BRD4: variants seen among roughly 807,000 people sequenced by gnomAD.
BRD4 encodes the protein bromodomain containing 4.
Under a neutral mutation model 142.1 loss-of-function variants are expected in BRD4, and 16 were observed. The observed-to-expected ratio is 0.11, with a 90% confidence interval of 0.08 to 0.17. The LOEUF is 0.17. Among genes scored for constraint, BRD4 ranks in the 10% least tolerant of loss-of-function variants. The probability of loss-of-function intolerance (pLI) is 1.00; values close to 1 mark genes in which losing one functional copy is unlikely to be tolerated. For synonymous variants in BRD4, 833 were observed against 707.5 expected (o/e 1.18, Z -2.82); for missense variants, 1,424 against 1,810.9 (o/e 0.79, Z 3.88).
chr19:15,263,682 G>T, intron 6 of BRD4, 134 bp from the exon 7 acceptor site: 1 of 1,141,186 alleles, frequency 8.8e-7, no homozygotes, highest in South Asian at 1.5e-5. Flanking sequence ...GACTCTAGTG[G>T]GGGGACAGGC....
chr19:15,328,550 C>T (rs762347050), intron 1 of BRD4, among the ~76,000 whole-genome samples: 1 of 152,198 alleles, frequency 6.6e-6, no homozygotes, highest in Non-Finnish European at 1.5e-5. Flanking sequence ...TTGAAACTCA[C>T]ATTCCTTGTA....
chr19:15,316,242 C>T (rs1206288839), intron 1 of BRD4, among the ~76,000 whole-genome samples: 2 of 151,524 alleles, frequency 1.3e-5, no homozygotes, highest in Non-Finnish European at 2.9e-5. Context: ...TTTAACAAGC[C>T]TGGGGCACCT....
Position 15,262,538 on chromosome 19 carries a change from A to G in BRD4, c.1341+882T>C, listed in dbSNP as rs554283860. ...ACCCATCTCTTTAAAAAAAAAAAAAAAAAAGAAAAAAAAAAAGAAAATAAA... is the reference window on the plus strand; with the variant it reads ...ACCCATCTCTTTAAAAAAAAAAAAAGAAAAGAAAAAAAAAAAGAAAATAAA... On this transcript the variant is annotated intron_variant, in intron 7 of 19. Transcript: ENST00000679869. 3.7e-3 allele frequency among the ~76,000 whole-genome samples: 526 copies of G among 141,726 alleles called. 5 individuals are homozygous for G. Among genetic ancestry groups the G allele is most frequent in the Middle Eastern group, 6.9e-3 (2 of 288 alleles). 93.0% of individuals were successfully genotyped at this position (141,726 alleles called of 152,430 possible). A position where few individuals can be genotyped will look rare whatever the true frequency, so the allele number is the denominator to read the frequency against.
At chr19:15,322,635 G>C (rs1402263306) in intron 1 of BRD4, among the ~76,000 whole-genome samples, 34 of 146,920 alleles carry the variant, frequency 2.3e-4, no homozygotes, top group African/African-American at 8.4e-4. Flanking sequence ...GGCAGATCAC[G>C]AGGTCAGGAG....
intron 11 of BRD4, among the ~76,000 whole-genome samples, chr19:15,249,995 T>C (rs2047327380): frequency 6.6e-6 from 1 of 152,150 alleles, no homozygotes; most frequent in African/African-American, 2.4e-5. Flanking sequence ...TTTTGGGGTA[T>C]CCAACATGGC....
At chr19:15,311,551 G>A (rs761263258) in intron 1 of BRD4, among the ~76,000 whole-genome samples, 2 of 152,118 alleles carry the variant, frequency 1.3e-5, no homozygotes, top group Non-Finnish European at 2.9e-5. Context: ...AGTACTTTGG[G>A]AGGCAGAGGT....
rs750720665 is a variant in BRD4, at chr19:15,264,689, C to T, written c.927G>A (p.Leu309=). Residue 309 remains leucine (L), a synonymous_variant, in exon 6 of 20, where the codon CTG becomes CTA. Coordinates refer to ENST00000679869, the MANE Select transcript of BRD4 (RefSeq NM_001379291.1). ...GCTTGGTGGTCTTGGGCTCCGGGGG[C>T]AGCGAGGGTGGCTCGTGAATGGGGT... The part of the protein sequence containing the change: ...TIDPIHEPPS[L]PPEPKTTKLG... 6.2e-7 allele frequency: 1 copy of T among 1,613,376 alleles called. No homozygotes were observed. Among genetic ancestry groups the T allele is most frequent in the Non-Finnish European group, 8.5e-7 (1 of 1,180,006 alleles).
intron 7 of BRD4, among the ~76,000 whole-genome samples, chr19:15,259,917 A>G (rs1599457230): frequency 6.6e-6 from 1 of 152,246 alleles, no homozygotes; most frequent in South Asian, 2.1e-4. Flanking sequence ...AGAGGACAGT[A>G]AAGCCCAATT....
intron 1 of BRD4, among the ~76,000 whole-genome samples, chr19:15,305,163 C>T (rs1293882081): frequency 6.6e-6 from 1 of 151,900 alleles, no homozygotes; most frequent in Non-Finnish European, 1.5e-5. Flanking sequence ...GGATTTCTCC[C>T]ACCTCAGCCT....
At chr19:15,324,389 C>A (rs1400409014) in intron 1 of BRD4, among the ~76,000 whole-genome samples, 1 of 152,226 alleles carries the variant, frequency 6.6e-6, no homozygotes, top group Non-Finnish European at 1.5e-5. Context: ...CTTTGTGGAA[C>A]CGGATCCCAA....
intron 11 of BRD4, among the ~76,000 whole-genome samples, chr19:15,245,194 CAGAAGGGAGGGG>C (rs2047274749): frequency 6.6e-6 from 1 of 152,146 alleles, no homozygotes; most frequent in Admixed American, 6.5e-5. Flanking sequence ...AGTGGGGCTT[CAGAAGGGAGGGG>C]ACTTGTCCAG....
At chr19:15,302,981 C>A (rs1255778782) in intron 1 of BRD4, among the ~76,000 whole-genome samples, 1 of 146,348 alleles carries the variant, frequency 6.8e-6, no homozygotes, top group Non-Finnish European at 1.5e-5. Context: ...GCACTCCAGC[C>A]TGGGCCACAG....
chr19:15,241,505 A>G (rs542272160), intron 14 of BRD4, among the ~76,000 whole-genome samples: 7 of 152,330 alleles, frequency 4.6e-5, no homozygotes, highest in African/African-American at 1.7e-4. Flanking sequence ...CAGGATCCCA[A>G]TCCACACTGC....
intron 7 of BRD4, among the ~76,000 whole-genome samples, chr19:15,257,906 C>T (rs949169914): frequency 6.6e-6 from 1 of 152,192 alleles, no homozygotes; most frequent in African/African-American, 2.4e-5. Context: ...ATCCAGCAAT[C>T]AGATGGAACC....
In BRD4 at chr19:15,244,601, C is replaced by G; in HGVS notation, c.2212-1G>C. On this transcript the variant is annotated splice_acceptor_variant, in intron 12 of 19. Coordinates refer to ENST00000679869, the MANE Select transcript of BRD4 (RefSeq NM_001379291.1). LOFTEE classifies it high-confidence loss of function. ...TCTGCTGATGGTGGTGATGATGGTG[C>G]TGCAGACAGAGAGACAGACAGACAG... The G allele has an allele frequency of 6.2e-7, 1 of 1,612,308 alleles. No individual in the cohort carries two copies. Among genetic ancestry groups the G allele is most frequent in the Non-Finnish European group, 8.5e-7 (1 of 1,179,866 alleles).
At position 15,260,667 on chromosome 19, in the gene BRD4, G is replaced by C. The variant is rs557030965; in HGVS notation, c.1341+2753C>G. 1.1e-4 allele frequency among the ~76,000 whole-genome samples: 16 copies of C among 152,258 alleles called. No homozygotes were observed. The South Asian group carries it at 3.3e-3, about 32-fold the overall frequency. ...GAGATTGAGGCCTGTGTCCACTCCA[G>C]TCCGGCACCTGGAGCCCGTGTGTAG... is the stretch of plus-strand genomic sequence containing the variant. On this transcript the variant is annotated intron_variant, in intron 7 of 19. Coordinates refer to ENST00000679869, the MANE Select transcript of BRD4 (RefSeq NM_001379291.1).
Position 15,238,878 on chromosome 19 carries a change from CTGCTGT to C in BRD4, c.3879_3884del (p.Gln1299_Gln1300del), listed in dbSNP as rs749091959. On this transcript the variant is annotated inframe_deletion, in exon 19 of 20. Coordinates refer to ENST00000679869, the MANE Select transcript of BRD4 (RefSeq NM_001379291.1). The surrounding 1 kb of genome is among the most constrained non-coding windows in gnomAD (Gnocchi z 7.2). ...CCGCAGCTGCTTGCTGTTGCTGCTG[CTGCTGT>C]TGCTCCTGGCGCTGCTGCTGCTGCT... The C allele has an allele frequency of 1.3e-6, 2 of 1,598,826 alleles. No individual in the cohort carries two copies. Among genetic ancestry groups the C allele is most frequent in the Non-Finnish European group, 1.7e-6 (2 of 1,173,468 alleles).
At chr19:15,255,156 G>C in intron 10 of BRD4, 141 bp downstream of exon 10, 2 of 837,840 alleles carry the variant, frequency 2.4e-6, no homozygotes, top group Non-Finnish European at 3.6e-6. Context: ...CCTTTCGGAG[G>C]TTTCTGTGTC....
intron 13 of BRD4, 104 bp downstream of exon 13, chr19:15,244,127 G>C (rs778707383): frequency 4.6e-6 from 7 of 1,528,852 alleles, no homozygotes; most frequent in African/African-American, 4.1e-5. Flanking sequence ...AGAGACCAGA[G>C]CAGCTGAGGC....
Sources: gnomAD v4.1 joint callset for allele counts (sites outside exome capture counted in the v4.1 genomes callset) on GRCh38, gnomAD v4.1.1 for gene constraint, Gnocchi (gnomAD v3.1) non-coding constraint, MANE v1.5 for transcripts, NCBI Gene and HGNC (gene_info 2026-07-23, HGNC 2026-07-21) for gene names.